Variants in SEMA6D observed in about 807,000 individuals in gnomAD.
The protein encoded by SEMA6D is semaphorin 6D, also known as semaphorin-6D.
SEMA6D carries 35 observed loss-of-function variants against 106.6 expected under a neutral mutation model. That is an observed-to-expected ratio of 0.33 (90% CI 0.25 to 0.44). The LOEUF is 0.44. Ranked by LOEUF, SEMA6D falls within the 20% of genes least tolerant of loss-of-function variation. The pLI is 1.00. For synonymous variants in SEMA6D, 499 were observed against 487.7 expected, an observed-to-expected ratio of 1.02 and a Z score of -0.31; for missense variants, 1,185 against 1,345.9, an observed-to-expected ratio of 0.88 and a Z score of 1.87.
intron 2 of SEMA6D, among the ~76,000 whole-genome samples, chr15:47,428,369 C>A (rs2041414825): frequency 6.6e-6 from 1 of 152,072 alleles, no homozygotes; most frequent in African/African-American, 2.4e-5. Context: ...TGCAGAAGAC[C>A]AGAGTATTTT....
chr15:47,575,690 G>C (rs2076144715), intron 3 of SEMA6D, among the ~76,000 whole-genome samples: 1 of 152,014 alleles, frequency 6.6e-6, no homozygotes, highest in Non-Finnish European at 1.5e-5. Flanking sequence ...CTGCACTCCA[G>C]CCTGGGTAAC....
chr15:47,448,852 G>A (rs964849186), intron 2 of SEMA6D, among the ~76,000 whole-genome samples: 11 of 152,054 alleles, frequency 7.2e-5, no homozygotes, highest in African/African-American at 2.7e-4. Context: ...TCAAGCAGGG[G>A]GCTGTGGAAA....
chr15:47,309,487 T>C (rs1246865487), intron 1 of SEMA6D, among the ~76,000 whole-genome samples: 1 of 152,162 alleles, frequency 6.6e-6, no homozygotes, highest in Non-Finnish European at 1.5e-5. Context: ...AGAGTAGTGA[T>C]ACTGGAAATT....
chr15:47,227,133 A>G (rs2031734313), intron 1 of SEMA6D, among the ~76,000 whole-genome samples: 1 of 152,102 alleles, frequency 6.6e-6, no homozygotes, highest in African/African-American at 2.4e-5. Flanking sequence ...ACACATGATT[A>G]TCATCAGGGC....
rs186865570 is a variant in SEMA6D, at chr15:47,648,464, G to T, written c.-55+47568G>T. On this transcript the variant is annotated intron_variant, in intron 4 of 19. Transcript: ENST00000558014. ...TCTGGCCACCTGCAACCCTGAACTGGAATAACTGGGTTGGAGAATGAATGA... is the reference window on the plus strand; with the variant it reads ...TCTGGCCACCTGCAACCCTGAACTGTAATAACTGGGTTGGAGAATGAATGA... Among the ~76,000 whole-genome samples the T allele has an allele frequency of 4.9e-4, 72 of 148,386 alleles. 2 individuals carry two copies. The East Asian group carries it at 0.013, about 27-fold the overall frequency.
chr15:47,516,455 T>G (rs2044391331), intron 3 of SEMA6D, among the ~76,000 whole-genome samples: 1 of 152,170 alleles, frequency 6.6e-6, no homozygotes, highest in Admixed American at 6.5e-5. Flanking sequence ...AGTTTTGAAT[T>G]TAACCATTAC....
At chr15:47,583,349 C>G (rs1019068615) in intron 3 of SEMA6D, among the ~76,000 whole-genome samples, 3 of 152,176 alleles carry the variant, frequency 2.0e-5, no homozygotes, top group African/African-American at 7.2e-5. Flanking sequence ...AGGACTGTAG[C>G]TGGAGAGGTT....
At chr15:47,238,247 G>A (rs1420632850) in intron 1 of SEMA6D, among the ~76,000 whole-genome samples, 3 of 152,012 alleles carry the variant, frequency 2.0e-5, no homozygotes, top group Non-Finnish European at 2.9e-5. Flanking sequence ...CTGTAAACTC[G>A]TCATTGGAGA....
intron 4 of SEMA6D, among the ~76,000 whole-genome samples, chr15:47,677,715 A>G (rs892946010): frequency 5.9e-5 from 9 of 152,218 alleles, no homozygotes; most frequent in African/African-American, 1.9e-4. Flanking sequence ...TTTTACAGTC[A>G]TTCACATTTA....
chr15:47,706,755 G>T (rs565300886), intron 4 of SEMA6D, among the ~76,000 whole-genome samples: 73 of 151,686 alleles, frequency 4.8e-4, no homozygotes, highest in Non-Finnish European at 8.5e-4. Flanking sequence ...GATATTAGGA[G>T]AACACTATAT....
chr15:47,442,092 G>C (rs149548621), intron 2 of SEMA6D, among the ~76,000 whole-genome samples: 4 of 152,142 alleles, frequency 2.6e-5, no homozygotes, highest in Admixed American at 2.6e-4. Context: ...AGAGTAAATA[G>C]CTTGGGGAAA....
chr15:47,770,373 C>T lies in SEMA6D; in HGVS notation c.1934-124C>T. 5.4e-6 allele frequency: 4 copies of T among 736,416 alleles called. No homozygotes were observed. In the South Asian group the frequency reaches 7.1e-5, roughly 13 times the overall value. 45.6% of individuals were successfully genotyped at this position (736,416 alleles called of 1,614,324 possible). A position where few individuals can be genotyped will look rare whatever the true frequency, so the allele number is the denominator to read the frequency against. On this transcript the variant is annotated intron_variant, in intron 18 of 18. Transcript: ENST00000536845. Reference sequence around the variant, plus strand: ...AATATACAAGGAATTTTGGAGTCTACTTGACCCTCCGAGCTAAGCATATGA... The same window carrying T: ...AATATACAAGGAATTTTGGAGTCTATTTGACCCTCCGAGCTAAGCATATGA...
chr15:47,308,448 G>A (rs1022531451), intron 1 of SEMA6D, among the ~76,000 whole-genome samples: 1 of 152,102 alleles, frequency 6.6e-6, no homozygotes, highest in Non-Finnish European at 1.5e-5. Flanking sequence ...GAGTATTAAA[G>A]TATTATACTT....
intron 1 of SEMA6D, chr15:47,399,317 A>C (rs919686424): frequency 6.6e-6 from 1 of 152,162 alleles, no homozygotes; most frequent in African/African-American, 2.4e-5. Flanking sequence ...GCTCCCAACA[A>C]TCTGCTTGTA....
intron 1 of SEMA6D, among the ~76,000 whole-genome samples, chr15:47,212,635 T>C (rs1281904154): frequency 6.6e-6 from 1 of 152,248 alleles, no homozygotes; most frequent in African/African-American, 2.4e-5. Flanking sequence ...TCTATACTGT[T>C]TCTCAAAGCA....
At chr15:47,530,307 C>T (rs951674154) in intron 3 of SEMA6D, among the ~76,000 whole-genome samples, 7 of 152,152 alleles carry the variant, frequency 4.6e-5, no homozygotes, top group African/African-American at 1.7e-4. Context: ...CACATTCAGA[C>T]AGAACATCTA....
At chr15:47,679,164 A>G (rs1381016149) in intron 4 of SEMA6D, among the ~76,000 whole-genome samples, 1 of 152,202 alleles carries the variant, frequency 6.6e-6, no homozygotes, top group Non-Finnish European at 1.5e-5. Flanking sequence ...TACTACAGAT[A>G]TGTATTTTGT....
chr15:47,686,481 A>T (rs1382279034), intron 4 of SEMA6D, among the ~76,000 whole-genome samples: 1 of 152,248 alleles, frequency 6.6e-6, no homozygotes, highest in East Asian at 1.9e-4. Context: ...TCTCAAAGAG[A>T]TTTAGAAAAT....
intron 1 of SEMA6D, among the ~76,000 whole-genome samples, chr15:47,201,233 T>A (rs1894707708): frequency 6.6e-6 from 1 of 152,190 alleles, no homozygotes; most frequent in African/African-American, 2.4e-5. Context: ...CACTACACTC[T>A]ACAAAGGGAA....
Sources: gnomAD v4.1 joint callset for allele counts (sites outside exome capture counted in the v4.1 genomes callset) on GRCh38, gnomAD v4.1.1 for gene constraint, MANE v1.5 for transcripts, NCBI Gene and HGNC (gene_info 2026-07-23, HGNC 2026-07-21) for gene names.